Variants in PLA2R1 observed in about 807,000 individuals in gnomAD.
PLA2R1 encodes phospholipase A2 receptor 1.
In PLA2R1, 158 loss-of-function variants were observed where a neutral mutation model predicts 195.9. That is an observed-to-expected ratio of 0.81 (90% confidence interval 0.71 to 0.92). The LOEUF (loss-of-function observed/expected upper bound fraction) is 0.92, where lower values mean the gene tolerates loss of function less well. Among genes scored for constraint, PLA2R1 ranks in the 40% least tolerant of loss-of-function variants. PLA2R1 has a pLI of 0.00. For missense variants in PLA2R1, 1,626 were observed against 1,764.6 expected, an observed-to-expected ratio of 0.92 and a Z score of 1.41; for synonymous variants, 586 against 598.2, an observed-to-expected ratio of 0.98 and a Z score of 0.30.
intron 10 of PLA2R1, among the ~76,000 whole-genome samples, chr2:160,006,566 A>G (rs530769788): frequency 6.6e-6 from 1 of 151,066 alleles, no homozygotes; most frequent in Admixed American, 6.6e-5. Flanking sequence ...GAAGACTCAC[A>G]TACATGCTTC....
At chr2:160,012,877 A>G (rs2715946) in intron 10 of PLA2R1, among the ~76,000 whole-genome samples, 115,025 of 151,914 alleles carry the variant, frequency 0.76, 43,875 homozygotes, top group East Asian at 0.88. Flanking sequence ...GCACCACTGC[A>G]CTCCAGCCTG....
Position 159,940,201 on chromosome 2 carries a change from C to T in PLA2R1, c.*1577G>A, listed in dbSNP as rs188632264. The T allele has an allele frequency of 1.3e-5, 2 of 152,224 alleles. No homozygotes were observed. The highest frequency in any genetic ancestry group is 2.9e-5 in the Non-Finnish European group (2 of 68,030). 9.4% of individuals were successfully genotyped at this position (152,224 alleles called of 1,614,324 possible). A position where few individuals can be genotyped will look rare whatever the true frequency, so the allele number is the denominator to read the frequency against. On this transcript the variant is annotated 3_prime_UTR_variant, in exon 30 of 30. Transcript: ENST00000283243. ...GCAGTTGGTTGTAATAATTAAAATG[C>T]ACACTCTCAGGGAGGCCCTGAGAGT...
At chr2:159,963,130 G>A (rs1328731274) in intron 20 of PLA2R1, among the ~76,000 whole-genome samples, 1 of 152,184 alleles carries the variant, frequency 6.6e-6, no homozygotes, top group East Asian at 1.9e-4. Flanking sequence ...CCAGAAATGT[G>A]ATTTGGAGAT....
intron 3 of PLA2R1, among the ~76,000 whole-genome samples, chr2:160,036,607 C>T (rs1694178084): frequency 6.6e-6 from 1 of 152,204 alleles, no homozygotes; most frequent in Admixed American, 6.5e-5. Flanking sequence ...TCCTAGGTCT[C>T]TTTCTATGTG....
intron 13 of PLA2R1, among the ~76,000 whole-genome samples, chr2:159,982,125 T>C (rs1689996365): frequency 6.6e-6 from 1 of 152,200 alleles, no homozygotes; most frequent in Non-Finnish European, 1.5e-5. Flanking sequence ...GTGGTTGTCA[T>C]ATGGCAAACC....
At chr2:159,964,324 T>C (rs555876463) in intron 20 of PLA2R1, among the ~76,000 whole-genome samples, 2 of 152,328 alleles carry the variant, frequency 1.3e-5, no homozygotes, top group South Asian at 2.1e-4. Flanking sequence ...TTGTATAACA[T>C]TGTGCATGTA....
chr2:159,941,689 C>A lies in PLA2R1; in HGVS notation c.*89G>T. ...AGTGACCCAATTCACATTCTAATGG[C>A]ATCTGTGCTGTAAAGGGAAAGACAG... is the stretch of plus-strand genomic sequence containing the variant. On this transcript the variant is annotated 3_prime_UTR_variant, in exon 30 of 30. Coordinates refer to ENST00000283243, the MANE Select transcript of PLA2R1 (RefSeq NM_007366.5). 1.5e-6 allele frequency: 1 copy of A among 678,314 alleles called. No homozygotes were observed. The highest frequency in any genetic ancestry group is 2.6e-6 in the Non-Finnish European group (1 of 383,638). 42.0% of individuals were successfully genotyped at this position (678,314 alleles called of 1,614,324 possible).
downstream of PLA2R1, among the ~76,000 whole-genome samples, chr2:159,930,578 C>CA (rs779098418): frequency 4.6e-5 from 7 of 152,162 alleles, no homozygotes; most frequent in Non-Finnish European, 8.8e-5. Context: ...CTAATATACT[C>CA]AAAGTCGGAG....
At chr2:159,950,054 T>A (rs1328040215) in intron 24 of PLA2R1, among the ~76,000 whole-genome samples, 1 of 152,212 alleles carries the variant, frequency 6.6e-6, no homozygotes, top group Non-Finnish European at 1.5e-5. Flanking sequence ...TACAGTGAAA[T>A]ACATTTCAGA....
chr2:159,987,818 A>G (rs1366907819), intron 11 of PLA2R1, among the ~76,000 whole-genome samples: 1 of 152,208 alleles, frequency 6.6e-6, no homozygotes, highest in Non-Finnish European at 1.5e-5. Context: ...AGAAAACCAA[A>G]CTGTAAACCT....
At chr2:160,040,164 C>T (rs1430606103) in intron 3 of PLA2R1, among the ~76,000 whole-genome samples, 1 of 151,226 alleles carries the variant, frequency 6.6e-6, no homozygotes, top group Non-Finnish European at 1.5e-5. Context: ...CACCTACATG[C>T]ATACATTTAG....
intron 20 of PLA2R1, among the ~76,000 whole-genome samples, chr2:159,960,742 G>A (rs1401043730): frequency 6.6e-6 from 1 of 152,132 alleles, no homozygotes; most frequent in Non-Finnish European, 1.5e-5. Context: ...ATCAAACACA[G>A]AGAAAACTAT....
At chr2:159,931,778 A>C (rs779210215), downstream of PLA2R1, among the ~76,000 whole-genome samples, 1 of 152,202 alleles carries the variant, frequency 6.6e-6, no homozygotes, top group Non-Finnish European at 1.5e-5. Flanking sequence ...AACACCTTAT[A>C]GATATACTTT....
intron 1 of PLA2R1, among the ~76,000 whole-genome samples, chr2:160,051,430 T>G (rs1402003878): frequency 6.6e-6 from 1 of 152,226 alleles, no homozygotes; most frequent in Admixed American, 6.5e-5. Context: ...CTCTGTCCAT[T>G]TCCTTGCTGT....
At chr2:160,022,912 C>G in intron 6 of PLA2R1, 53 bp from the exon 7 acceptor site, 4 of 1,192,780 alleles carry the variant, frequency 3.4e-6, no homozygotes, top group South Asian at 3.0e-5. Flanking sequence ...TTTAACATTA[C>G]TTATTACAGC....
At chr2:160,020,077 G>A (rs758739847) in intron 8 of PLA2R1, 29 bp downstream of exon 8, 1 of 1,582,232 alleles carries the variant, frequency 6.3e-7, no homozygotes, top group East Asian at 2.2e-5. Flanking sequence ...GACCAGCAAA[G>A]TGAGCACTGA....
downstream of PLA2R1, among the ~76,000 whole-genome samples, chr2:159,930,522 C>T (rs1686564717): frequency 6.6e-6 from 1 of 152,186 alleles, no homozygotes; most frequent in African/African-American, 2.4e-5. Flanking sequence ...CAAACACCAC[C>T]TGTTCCCCCC....
intron 10 of PLA2R1, among the ~76,000 whole-genome samples, chr2:160,007,276 A>G (rs529421395): frequency 1.3e-5 from 2 of 152,350 alleles, no homozygotes; most frequent in Admixed American, 6.5e-5. Flanking sequence ...GAGGCAGAGT[A>G]GTAATACCGG....
At chr2:159,947,967 G>T (rs1254793331) in intron 25 of PLA2R1, among the ~76,000 whole-genome samples, 1 of 152,188 alleles carries the variant, frequency 6.6e-6, no homozygotes, top group East Asian at 1.9e-4. Context: ...GTGTATCACA[G>T]ATTTGAAAAG....
Sources: gnomAD v4.1 joint callset for allele counts (sites outside exome capture counted in the v4.1 genomes callset) on GRCh38, gnomAD v4.1.1 for gene constraint, MANE v1.5 for transcripts, NCBI Gene and HGNC (gene_info 2026-07-23, HGNC 2026-07-21) for gene names.